Variants in ATP9B observed in about 807,000 individuals in gnomAD.
ATP9B encodes ATPase phospholipid transporting 9B.
In ATP9B, 110 loss-of-function variants were observed where a neutral mutation model predicts 146.1. The observed-to-expected ratio is 0.75, with a 90% CI of 0.65 to 0.88. The LOEUF is 0.88. Ranked by LOEUF, ATP9B falls within the 40% of genes least tolerant of loss-of-function variation. ATP9B has a pLI of 0.00. For missense variants in ATP9B, 1,499 were observed against 1,496.4 expected (o/e 1.00, Z -0.03); for synonymous variants, 604 against 569.7 (o/e 1.06, Z -0.86).
chr18:79,336,824 T>C, intron 18 of ATP9B, 113 bp downstream of exon 18: 1 of 1,066,362 alleles, frequency 9.4e-7, no homozygotes, highest in Non-Finnish European at 1.4e-6. Context: ...AGTCTAGGAG[T>C]GAAGGCAGCT....
At chr18:79,335,507 G>A (rs1600132374) in intron 17 of ATP9B, among the ~76,000 whole-genome samples, 1 of 152,216 alleles carries the variant, frequency 6.6e-6, no homozygotes. Context: ...GGTTAGCACC[G>A]TTTCATGAGC....
At chr18:79,248,845 C>A (rs1033152739) in intron 11 of ATP9B, among the ~76,000 whole-genome samples, 1 of 152,136 alleles carries the variant, frequency 6.6e-6, no homozygotes, top group African/African-American at 2.4e-5. Flanking sequence ...TGTTTGGATG[C>A]CGACATCCTG....
intron 25 of ATP9B, among the ~76,000 whole-genome samples, chr18:79,349,748 G>A (rs1207958538): frequency 3.3e-5 from 5 of 152,260 alleles, no homozygotes; most frequent in African/African-American, 4.8e-5. Context: ...CAAGGAGCAT[G>A]CACAGAGCTG....
At chr18:79,303,538 A>G (rs1400251824) in intron 13 of ATP9B, 66 bp from the exon 14 acceptor site, 32 of 1,299,484 alleles carry the variant, frequency 2.5e-5, no homozygotes, top group Non-Finnish European at 3.4e-5. Context: ...CCTGCATGGT[A>G]GGAAAGCTGG....
At chr18:79,359,938 T>A (rs1490027851) in intron 26 of ATP9B, 1 of 175,150 alleles carries the variant, frequency 5.7e-6, no homozygotes, top group African/African-American at 2.3e-5. Context: ...TTCAGAATTA[T>A]CCCTGAAAAG....
At chr18:79,363,464 T>C (rs78188039) in intron 26 of ATP9B, 3 of 126,912 alleles carry the variant, frequency 2.4e-5, no homozygotes, top group African/African-American at 5.9e-5. Flanking sequence ...GTTCCTGGAT[T>C]GAGAGACGTA....
intron 4 of ATP9B, among the ~76,000 whole-genome samples, chr18:79,125,130 A>G (rs1309186464): frequency 6.6e-6 from 1 of 152,188 alleles, no homozygotes; most frequent in Non-Finnish European, 1.5e-5. Flanking sequence ...GTGGAGAAGT[A>G]TACTGGATAT....
rs930451494 is a variant in ATP9B at position 79,317,778 on chromosome 18, A to G, written c.1773+10544A>G. 6.6e-5 allele frequency among the ~76,000 whole-genome samples: 10 copies of G among 152,228 alleles called. No homozygotes were observed. In the South Asian group the frequency reaches 1.0e-3, roughly 16 times the overall value. ...TGTACCTCTCCGGGGTGGTGGAAAC[A>G]TGGCCATTGCATGGTAGAATGCACA... On this transcript the variant is annotated intron_variant, in intron 15 of 29. Transcript: ENST00000426216.
chr18:79,376,647 C>T (rs1016620188), intron 29 of ATP9B, among the ~76,000 whole-genome samples: 1 of 151,562 alleles, frequency 6.6e-6, no homozygotes, highest in Admixed American at 6.6e-5. Flanking sequence ...ACCTCAGCCT[C>T]GCAAAGTGCT....
chr18:79,101,328 G>C (rs1039670260), intron 2 of ATP9B, among the ~76,000 whole-genome samples: 1 of 151,940 alleles, frequency 6.6e-6, no homozygotes, highest in Non-Finnish European at 1.5e-5. Context: ...CTTAAAAATT[G>C]TTCTATTTTT....
chr18:79,329,131 T>A lies in ATP9B; in HGVS notation c.1774-10T>A. 1.3e-6 allele frequency: 2 copies of A among 1,541,206 alleles called. No individual in the cohort carries two copies. Among genetic ancestry groups the A allele is most frequent in the Non-Finnish European group, 1.8e-6 (2 of 1,140,376 alleles). On this transcript the variant is annotated splice_polypyrimidine_tract_variant and intron_variant, in intron 15 of 29. Coordinates refer to ENST00000426216, the MANE Select transcript of ATP9B (RefSeq NM_198531.5). Reference sequence around the variant, plus strand: ...CAGCGGTGGCCTCAGTTGTTGCTGGTCTCCCGTAGGTCGCTCTGGTGCAGT... The same window carrying A: ...CAGCGGTGGCCTCAGTTGTTGCTGGACTCCCGTAGGTCGCTCTGGTGCAGT...
intron 4 of ATP9B, 93 bp from the exon 5 acceptor site, chr18:79,126,174 A>C (rs1242905643): frequency 2.6e-4 from 261 of 1,022,654 alleles, no homozygotes; most frequent in Non-Finnish European, 7.2e-5. Flanking sequence ...AGAGTAATAT[A>C]AATTGAAGGA....
At chr18:79,222,300 A>C (rs902230846) in intron 11 of ATP9B, among the ~76,000 whole-genome samples, 1 of 151,944 alleles carries the variant, frequency 6.6e-6, no homozygotes, top group Non-Finnish European at 1.5e-5. Context: ...TGGAGGTTGC[A>C]GTGAGCCGAG....
intron 7 of ATP9B, among the ~76,000 whole-genome samples, chr18:79,166,810 T>C (rs1327549942): frequency 1.3e-5 from 2 of 152,146 alleles, no homozygotes; most frequent in Non-Finnish European, 2.9e-5. Context: ...TCATTCTGCC[T>C]CCTTGGCCCA....
chr18:79,367,938 AGAG>A (rs1213503449), intron 26 of ATP9B, among the ~76,000 whole-genome samples: 4 of 152,254 alleles, frequency 2.6e-5, no homozygotes, highest in African/African-American at 9.6e-5. Flanking sequence ...CATCACGGCC[AGAG>A]CAGCGTGGGG....
intron 11 of ATP9B, among the ~76,000 whole-genome samples, chr18:79,241,819 G>T (rs980176898): frequency 6.6e-6 from 1 of 152,252 alleles, no homozygotes; most frequent in African/African-American, 2.4e-5. Flanking sequence ...GAGCTTTAGA[G>T]TTTGATAGTC....
At chr18:79,194,423 G>A (rs2095399193) in intron 9 of ATP9B, 1 of 152,214 alleles carries the variant, frequency 6.6e-6, no homozygotes, top group Non-Finnish European at 1.5e-5. Context: ...GAAGTACAAG[G>A]AAGTCGGAGA....
chr18:79,336,983 G>A (rs549136566), intron 18 of ATP9B, among the ~76,000 whole-genome samples: 3 of 120,926 alleles, frequency 2.5e-5, no homozygotes, highest in Non-Finnish European at 3.6e-5. Flanking sequence ...CAGTCCAGCC[G>A]AGCTGAGTAC....
intron 12 of ATP9B, among the ~76,000 whole-genome samples, chr18:79,274,638 C>G (rs1357348734): frequency 6.6e-6 from 1 of 152,034 alleles, no homozygotes; most frequent in East Asian, 1.9e-4. Flanking sequence ...TTACATACTC[C>G]CTATGTGGTA....
Sources: gnomAD v4.1 joint callset for allele counts (sites outside exome capture counted in the v4.1 genomes callset) on GRCh38, gnomAD v4.1.1 for gene constraint, MANE v1.5 for transcripts, NCBI Gene and HGNC (gene_info 2026-07-23, HGNC 2026-07-21) for gene names.